The following FSTL5 variants were observed in gnomAD, a reference collection of about 807,000 sequenced individuals.
The protein encoded by FSTL5 is follistatin like 5.
FSTL5 carries 62 observed loss-of-function variants against 89.1 expected under a neutral mutation model. That is an observed-to-expected ratio of 0.70 (90% CI 0.57 to 0.86). The LOEUF (loss-of-function observed/expected upper bound fraction) is 0.86. Ranked by LOEUF, FSTL5 falls within the 40% of genes least tolerant of loss-of-function variation. The probability of loss-of-function intolerance (pLI) is 0.00; values close to 1 mark genes in which losing one functional copy is unlikely to be tolerated. For synonymous variants in FSTL5, 383 were observed against 346.2 expected (o/e 1.11, Z -1.18); for missense variants, 1,057 against 1,001.6 (o/e 1.06, Z -0.75).
At chr4:161,931,178 G>C (rs1452852466) in intron 3 of FSTL5, among the ~76,000 whole-genome samples, 3 of 151,886 alleles carry the variant, frequency 2.0e-5, no homozygotes, top group African/African-American at 7.2e-5. Context: ...CAAGATGTTA[G>C]AGAATTAGGG....
chr4:162,078,929 A>C (rs1205444339), intron 2 of FSTL5, among the ~76,000 whole-genome samples: 2 of 151,784 alleles, frequency 1.3e-5, no homozygotes, highest in Admixed American at 6.6e-5. Context: ...GACAAATTTC[A>C]GGAGAGAAAC....
At chr4:161,710,677 A>G (rs1034297429) in intron 6 of FSTL5, among the ~76,000 whole-genome samples, 2 of 152,194 alleles carry the variant, frequency 1.3e-5, no homozygotes, top group Admixed American at 1.3e-4. Flanking sequence ...AAAAGAAAAA[A>G]ATATCCCATT....
intron 7 of FSTL5, among the ~76,000 whole-genome samples, chr4:161,599,459 C>G (rs1172554915): frequency 1.3e-5 from 2 of 152,018 alleles, no homozygotes; most frequent in African/African-American, 2.4e-5. Context: ...ATGTTTATAG[C>G]ATCATTTTTA....
intron 4 of FSTL5, among the ~76,000 whole-genome samples, chr4:161,796,208 A>G (rs2126824873): frequency 6.6e-6 from 1 of 152,022 alleles, no homozygotes; most frequent in African/African-American, 2.4e-5. Context: ...TAAAATGATA[A>G]AGCATATATT....
intron 6 of FSTL5, among the ~76,000 whole-genome samples, chr4:161,660,427 G>T (rs1292678836): frequency 2.0e-5 from 3 of 152,038 alleles, no homozygotes; most frequent in Non-Finnish European, 4.4e-5. Flanking sequence ...ATAGCAACTA[G>T]GTCCTACCAG....
chr4:161,492,364 T>C (rs982584373), intron 12 of FSTL5, among the ~76,000 whole-genome samples: 53 of 152,170 alleles, frequency 3.5e-4, no homozygotes, highest in African/African-American at 1.3e-3. Context: ...ATCTGTAAAC[T>C]ACTGTAGAGG....
intron 4 of FSTL5, among the ~76,000 whole-genome samples, chr4:161,868,509 TCTC>T (rs1387175937): frequency 1.3e-5 from 2 of 152,152 alleles, no homozygotes; most frequent in South Asian, 2.1e-4. Flanking sequence ...TCTTAAGTAA[TCTC>T]CTCCCACTTT....
intron 1 of FSTL5, among the ~76,000 whole-genome samples, chr4:162,124,866 A>T (rs1414766635): frequency 2.0e-5 from 3 of 152,070 alleles, no homozygotes; most frequent in Non-Finnish European, 4.4e-5. Context: ...CGTCCAGCTA[A>T]TTTTGTTTTT....
chr4:161,439,072 T>A (rs957747479), intron 15 of FSTL5, among the ~76,000 whole-genome samples: 1 of 152,092 alleles, frequency 6.6e-6, no homozygotes, highest in Non-Finnish European at 1.5e-5. Context: ...ATTTAAAATA[T>A]CAGAACATAG....
chr4:161,703,167 C>T (rs867493051), intron 6 of FSTL5, among the ~76,000 whole-genome samples: 1 of 152,090 alleles, frequency 6.6e-6, no homozygotes, highest in Non-Finnish European at 1.5e-5. Context: ...GACTTCTAGC[C>T]TCCAGAGCTG....
intron 4 of FSTL5, among the ~76,000 whole-genome samples, chr4:161,878,824 C>T (rs1732534404): frequency 6.6e-6 from 1 of 152,058 alleles, no homozygotes; most frequent in South Asian, 2.1e-4. Flanking sequence ...ATAGCAAATT[C>T]TAGAAATGTT....
intron 7 of FSTL5, among the ~76,000 whole-genome samples, chr4:161,644,448 C>T (rs1483082023): frequency 6.6e-6 from 1 of 151,592 alleles, no homozygotes; most frequent in Non-Finnish European, 1.5e-5. Context: ...ATCACTTGAA[C>T]TCGGGAGGTG....
At chr4:161,447,288 C>T (rs1245333873) in intron 15 of FSTL5, among the ~76,000 whole-genome samples, 2 of 151,972 alleles carry the variant, frequency 1.3e-5, no homozygotes, top group Non-Finnish European at 2.9e-5. Flanking sequence ...AAAACTCTTC[C>T]TTTTTAAAAT....
intron 8 of FSTL5, among the ~76,000 whole-genome samples, chr4:161,569,667 T>C (rs1392695280): frequency 2.0e-5 from 3 of 151,922 alleles, no homozygotes; most frequent in Admixed American, 6.6e-5. Context: ...AAAGACTGAT[T>C]ATGCTGGATA....
chr4:161,717,528 A>G (rs184399146), intron 6 of FSTL5, among the ~76,000 whole-genome samples: 54 of 152,252 alleles, frequency 3.5e-4, no homozygotes, highest in Non-Finnish European at 6.6e-4. Flanking sequence ...CTCACATCCA[A>G]ACTCCAGTAG....
intron 7 of FSTL5, among the ~76,000 whole-genome samples, chr4:161,628,114 G>A (rs1267467442): frequency 6.6e-6 from 1 of 152,042 alleles, no homozygotes; most frequent in Non-Finnish European, 1.5e-5. Context: ...GACATAAATG[G>A]GGAAAGATGC....
chr4:161,434,436 C>A (rs1732485519), intron 15 of FSTL5, among the ~76,000 whole-genome samples: 2 of 152,014 alleles, frequency 1.3e-5, no homozygotes, highest in South Asian at 2.1e-4. Context: ...AAATATGAGA[C>A]CTCAAAATAT....
At chr4:162,111,696 A>G (rs1322722768) in intron 1 of FSTL5, among the ~76,000 whole-genome samples, 1 of 152,154 alleles carries the variant, frequency 6.6e-6, no homozygotes, top group Non-Finnish European at 1.5e-5. Context: ...AAAGGTTGAA[A>G]GAAAAGGGGA....
intron 15 of FSTL5, among the ~76,000 whole-genome samples, chr4:161,406,478 T>G (rs2110922010): frequency 6.6e-6 from 1 of 152,262 alleles, no homozygotes; most frequent in African/African-American, 2.4e-5. Flanking sequence ...TGAGAAAAAT[T>G]TATATTCTGC....
Sources: gnomAD v4.1 joint callset for allele counts (sites outside exome capture counted in the v4.1 genomes callset) on GRCh38, gnomAD v4.1.1 for gene constraint, MANE v1.5 for transcripts, NCBI Gene and HGNC (gene_info 2026-07-23, HGNC 2026-07-21) for gene names.